The following EIF2AK4 variants were observed in gnomAD, a reference collection of about 807,000 sequenced individuals.
The protein encoded by EIF2AK4 is eIF-2-alpha kinase GCN2.
A neutral mutation model predicts 211.1 loss-of-function variants in EIF2AK4; 139 were observed. That is an observed-to-expected ratio of 0.66 (90% CI 0.57 to 0.76). The LOEUF (loss-of-function observed/expected upper bound fraction) is 0.76. Among genes scored for constraint, EIF2AK4 ranks in the 30% least tolerant of loss-of-function variants. The probability of loss-of-function intolerance (pLI) is 0.00; values close to 1 mark genes in which losing one functional copy is unlikely to be tolerated. For synonymous variants in EIF2AK4, 710 were observed against 751.3 expected (o/e 0.94, Z 0.90); for missense variants, 1,664 against 2,043.8 (o/e 0.81, Z 3.58).
chr15:39,971,752 T>G (rs1458044479), intron 9 of EIF2AK4, among the ~76,000 whole-genome samples: 1 of 152,060 alleles, frequency 6.6e-6, no homozygotes, highest in African/African-American at 2.4e-5. Context: ...AAAGGCCAGC[T>G]TAAATCAGTT....
Position 40,009,667 on chromosome 15 carries a change from C to G in EIF2AK4, c.3630C>G (p.Leu1210=), listed in dbSNP as rs1318313406. The G allele has an allele frequency of 6.2e-7, 1 of 1,610,614 alleles. No homozygotes were observed. Among genetic ancestry groups the G allele is most frequent in the East Asian group, 2.2e-5 (1 of 44,682 alleles). The part of the protein sequence containing the change: ...LNHTMLLKAI[L]LHCGIPEDKL... ...ATACCATGTTATTGAAAGCAATACT[C>G]TTACACTGTGGGATCCCAGAAGATA... The change falls in exon 26 of 39, where the codon CTC becomes CTG. Residue 1210 remains leucine (L), a synonymous_variant. Transcript: ENST00000263791.
intron 34 of EIF2AK4, among the ~76,000 whole-genome samples, chr15:40,030,099 C>A (rs1938862629): frequency 6.6e-6 from 1 of 152,114 alleles, no homozygotes; most frequent in Admixed American, 6.5e-5. Flanking sequence ...TTTGATGACT[C>A]CTGTTGCCTC....
At chr15:39,962,003 A>G in intron 7 of EIF2AK4, 104 bp downstream of exon 7, 2 of 778,976 alleles carry the variant, frequency 2.6e-6, no homozygotes, top group Non-Finnish European at 4.2e-6. Flanking sequence ...AGTGCAGTCC[A>G]AGGAAGACCA....
At chr15:39,973,120 C>A in intron 10 of EIF2AK4, 106 bp downstream of exon 10, 1 of 922,484 alleles carries the variant, frequency 1.1e-6, no homozygotes, top group Non-Finnish European at 1.7e-6. Flanking sequence ...TATTTTATGT[C>A]TTTTATTCTG....
chr15:40,016,085 T>A (rs1209054787), intron 27 of EIF2AK4, among the ~76,000 whole-genome samples: 1 of 152,202 alleles, frequency 6.6e-6, no homozygotes, highest in Non-Finnish European at 1.5e-5. Context: ...TCTAGCTAAT[T>A]CTGTATTAAA....
At chr15:40,022,732 G>T in intron 32 of EIF2AK4, 127 bp downstream of exon 32, 2 of 728,740 alleles carry the variant, frequency 2.7e-6, no homozygotes, top group Non-Finnish European at 4.4e-6. Context: ...CCTTTCCATT[G>T]TTGGGTTTCT....
chr15:39,989,515 C>T (rs2034914134), intron 15 of EIF2AK4, among the ~76,000 whole-genome samples: 1 of 152,206 alleles, frequency 6.6e-6, no homozygotes, highest in Non-Finnish European at 1.5e-5. Context: ...CCCCTGTGCT[C>T]TATTCCACTC....
At chr15:39,981,474 C>G (rs1234305049) in intron 13 of EIF2AK4, among the ~76,000 whole-genome samples, 3 of 152,042 alleles carry the variant, frequency 2.0e-5, no homozygotes, top group Non-Finnish European at 4.4e-5. Context: ...CCTGGTTTTG[C>G]TCAGTTAAGG....
intron 15 of EIF2AK4, among the ~76,000 whole-genome samples, chr15:39,989,129 A>C (rs1036683653): frequency 3.3e-5 from 5 of 152,224 alleles, no homozygotes; most frequent in Admixed American, 2.6e-4. Context: ...AAGAAGAGAA[A>C]TGAGACTTTC....
At position 39,965,715 on chromosome 15, in the gene EIF2AK4, T is replaced by A; in HGVS notation, c.889T>A (p.Tyr297Asn). Reference sequence around the variant, plus strand: ...TGATGAACAACTTGGAAAATTAGTCTACAATGCTTTGGAAACAGCCACTGG... The same window carrying A: ...TGATGAACAACTTGGAAAATTAGTCAACAATGCTTTGGAAACAGCCACTGG... ...GSDEQLGKLV[Y>N]NALETATGGF... Residue 297 changes from tyrosine (Y) to asparagine (N), a missense_variant, in exon 8 of 39, where the codon TAC becomes AAC. By Grantham distance (143) the Tyr-to-Asn change is moderately radical. This residue lies in a region of EIF2AK4 where 641 missense variants were observed against 729.6 expected (regional missense o/e 0.88). Coordinates refer to ENST00000263791, the MANE Select transcript of EIF2AK4 (RefSeq NM_001013703.4). The A allele has an allele frequency of 1.2e-6, 2 of 1,614,090 alleles. No individual in the cohort carries two copies. Among genetic ancestry groups the A allele is most frequent in the Non-Finnish European group, 1.7e-6 (2 of 1,179,954 alleles).
chr15:39,957,849 G>T (rs62004060), intron 6 of EIF2AK4, among the ~76,000 whole-genome samples: 1 of 151,800 alleles, frequency 6.6e-6, no homozygotes, highest in Admixed American at 6.6e-5. Flanking sequence ...TGATCTGTGG[G>T]GTATGTAAAA....
intron 1 of EIF2AK4, among the ~76,000 whole-genome samples, chr15:39,934,882 C>T (rs1362220637): frequency 7.2e-5 from 11 of 152,206 alleles, no homozygotes. Context: ...CATACCTCTG[C>T]ACCTTCCTCT....
chr15:39,973,878 T>C, intron 11 of EIF2AK4, 129 bp downstream of exon 11: 1 of 1,003,658 alleles, frequency 1.0e-6, no homozygotes. Flanking sequence ...GATACTATGC[T>C]CATCCTCACC....
chr15:40,022,862 TAGCTGGGACTGC>T (rs1452737643), intron 32 of EIF2AK4, among the ~76,000 whole-genome samples: 19 of 152,272 alleles, frequency 1.2e-4, no homozygotes, highest in Middle Eastern at 3.4e-3. Flanking sequence ...GCCTCCCCGG[TAGCTGGGACTGC>T]AGGTGCCCGC....
At chr15:40,008,327 T>G (rs2035189440) in intron 25 of EIF2AK4, 132 bp downstream of exon 25, 5 of 831,164 alleles carry the variant, frequency 6.0e-6, no homozygotes, top group Non-Finnish European at 7.2e-6. Flanking sequence ...CTAAAGTAAC[T>G]GAGAAGAGCT....
intron 6 of EIF2AK4, among the ~76,000 whole-genome samples, chr15:39,959,960 G>A (rs1230742386): frequency 2.0e-5 from 3 of 152,018 alleles, no homozygotes; most frequent in East Asian, 1.9e-4. Context: ...TCAGGAGATC[G>A]AGACCAGCCT....
At chr15:39,961,706 T>A in intron 6 of EIF2AK4, 78 bp from the exon 7 acceptor site, 1 of 1,142,420 alleles carries the variant, frequency 8.8e-7, no homozygotes, top group Non-Finnish European at 1.3e-6. Context: ...TATGTTAATC[T>A]ATAACATTCC....
chr15:39,944,576 C>T (rs1029200622), intron 3 of EIF2AK4, among the ~76,000 whole-genome samples: 3 of 151,972 alleles, frequency 2.0e-5, no homozygotes, highest in African/African-American at 4.8e-5. Context: ...GGACTACAGG[C>T]ACCCACCACC....
rs763163747 is a variant in EIF2AK4 at position 40,022,604 on chromosome 15, A to T, written c.4388A>T (p.Lys1463Met). 4 of 1,614,100 alleles carry T rather than the reference A, an allele frequency of 2.5e-6. No homozygotes were observed. Among genetic ancestry groups the T allele is most frequent in the Non-Finnish European group, 3.4e-6 (4 of 1,179,904 alleles). The change falls in exon 32 of 39, where the codon AAG becomes ATG. Residue 1463 changes from lysine to methionine, a missense_variant and splice_region_variant. This residue lies in a region of EIF2AK4 where 622 missense variants were observed against 796.8 expected (regional missense o/e 0.78). Coordinates refer to ENST00000263791, the MANE Select transcript of EIF2AK4 (RefSeq NM_001013703.4). ...LVSDKEGSHV[K>M]VKSFEKERQT... Reference sequence around the variant, plus strand: ...TCGGATAAAGAAGGAAGCCATGTCAAGGTAAAGACGTCAGAGATTTTTTAC... The same window carrying T: ...TCGGATAAAGAAGGAAGCCATGTCATGGTAAAGACGTCAGAGATTTTTTAC...
Sources: gnomAD v4.1 joint callset for allele counts (sites outside exome capture counted in the v4.1 genomes callset) on GRCh38, gnomAD v4.1.1 for gene constraint, gnomAD v4.1.1 regional missense constraint, MANE v1.5 for transcripts, NCBI Gene and HGNC (gene_info 2026-07-23, HGNC 2026-07-21) for gene names.